Variants in RABGEF1 observed in about 807,000 individuals in gnomAD.
The protein encoded by RABGEF1 is RAB guanine nucleotide exchange factor 1.
Under a neutral mutation model 57.3 loss-of-function variants are expected in RABGEF1, and 26 were observed. The observed-to-expected ratio is 0.45, with a 90% confidence interval of 0.33 to 0.63. The LOEUF is 0.63. Ranked by LOEUF, RABGEF1 falls within the 20% of genes least tolerant of loss-of-function variation. The pLI is 0.02. For missense variants in RABGEF1, 464 were observed against 607.6 expected (o/e 0.76, Z 2.48); for synonymous variants, 185 against 210.7 (o/e 0.88, Z 1.06).
intron 3 of RABGEF1, among the ~76,000 whole-genome samples, chr7:66,779,523 T>A (rs1213073778): frequency 2.6e-5 from 4 of 151,076 alleles, no homozygotes; most frequent in Non-Finnish European, 4.4e-5. Context: ...GAAAAAAAAA[T>A]TAAAAAATTA....
chr7:66,810,891 A>G lies in RABGEF1; in HGVS notation c.*1607A>G, dbSNP rs1217548939. On this transcript the variant is annotated 3_prime_UTR_variant, in exon 9 of 9. Coordinates refer to ENST00000284957, the MANE Select transcript of RABGEF1 (RefSeq NM_014504.3). ...ATTCTTAAATTTACATATAAGATCT[A>G]TTAAGCTTGACACATCTGTGTCATC... The G allele has an allele frequency of 2.0e-5, 3 of 152,250 alleles. No homozygotes were observed. The highest frequency in any genetic ancestry group is 2.9e-5 in the Non-Finnish European group (2 of 68,050). The allele number at this position is 152,250 out of a possible 1,614,324, so 9.4% of individuals were successfully genotyped here.
chr7:66,802,433 T>C (rs1562882599), intron 7 of RABGEF1, among the ~76,000 whole-genome samples: 2 of 152,326 alleles, frequency 1.3e-5, no homozygotes, highest in Non-Finnish European at 1.5e-5. Context: ...ATGGAGCGTA[T>C]ACTTAGCTCT....
intron 1 of RABGEF1, among the ~76,000 whole-genome samples, chr7:66,742,793 G>A (rs1799293166): frequency 6.6e-6 from 1 of 152,098 alleles, no homozygotes; most frequent in Non-Finnish European, 1.5e-5. Context: ...ATTTTGTAAA[G>A]ATGTTGTCTT....
upstream of RABGEF1, among the ~76,000 whole-genome samples, chr7:66,739,029 C>T (rs1798404597): frequency 2.6e-5 from 4 of 152,100 alleles, no homozygotes; most frequent in South Asian, 8.3e-4. Context: ...CAGCTCACTG[C>T]AACCTCCGCT....
At chr7:66,762,601 GAAAAA>G (rs1017627412) in intron 1 of RABGEF1, among the ~76,000 whole-genome samples, 2 of 149,954 alleles carry the variant, frequency 1.3e-5, no homozygotes, top group African/African-American at 4.9e-5. Flanking sequence ...GAAAAGAAAA[GAAAAA>G]AAGAAAAAAA....
chr7:66,800,757 G>A (rs1010834209), intron 7 of RABGEF1, among the ~76,000 whole-genome samples: 7 of 152,160 alleles, frequency 4.6e-5, no homozygotes, highest in African/African-American at 1.4e-4. Flanking sequence ...TAGCCTTTAC[G>A]GCCTGTTGCT....
intron 1 of RABGEF1, among the ~76,000 whole-genome samples, chr7:66,695,801 A>G (rs1319685849): frequency 3.9e-5 from 6 of 152,044 alleles, no homozygotes; most frequent in African/African-American, 1.4e-4. Context: ...CCCTGTCTTT[A>G]CTAAAAATAC....
chr7:66,656,483 A>G, the RABGEF1 span, among the ~76,000 whole-genome samples: 1 of 152,286 alleles, frequency 6.6e-6, no homozygotes, highest in Non-Finnish European at 1.5e-5. Flanking sequence ...TCTGATGGTG[A>G]CAGAACCAGG....
chr7:66,797,229 A>G (rs13247070), intron 5 of RABGEF1, 145 bp from the exon 6 acceptor site: 9,115 of 751,760 alleles, frequency 0.012, 98 homozygotes, highest in Non-Finnish European at 0.016. Context: ...GCTCGAGCCC[A>G]GGAGGTGGAG....
intron 2 of RABGEF1, among the ~76,000 whole-genome samples, chr7:66,719,407 G>A (rs1444084203): frequency 6.6e-6 from 1 of 152,098 alleles, no homozygotes; most frequent in East Asian, 1.9e-4. Context: ...GTCTTGCTAT[G>A]TTGCCTAGGC....
chr7:66,771,562 T>G (rs948682204), intron 1 of RABGEF1, among the ~76,000 whole-genome samples: 1 of 152,326 alleles, frequency 6.6e-6, no homozygotes, highest in East Asian at 1.9e-4. Context: ...TCCCCTAAGT[T>G]TTTTTTCTAG....
intron 4 of RABGEF1, among the ~76,000 whole-genome samples, chr7:66,792,482 A>G (rs906911189): frequency 6.6e-6 from 1 of 152,172 alleles, no homozygotes; most frequent in African/African-American, 2.4e-5. Flanking sequence ...TTCCTATAGG[A>G]TAATGCAGAG....
intron 1 of RABGEF1, among the ~76,000 whole-genome samples, chr7:66,742,941 A>G (rs1799339497): frequency 1.3e-5 from 2 of 152,244 alleles, no homozygotes; most frequent in South Asian, 4.1e-4. Context: ...CAGGACAGAG[A>G]TGTAGGAGCT....
chr7:66,707,876 A>G (rs1289269786), intron 1 of RABGEF1, among the ~76,000 whole-genome samples: 2 of 152,046 alleles, frequency 1.3e-5, no homozygotes. Flanking sequence ...CTTTGTCTCT[A>G]GTAACATTTT....
intron 2 of RABGEF1, among the ~76,000 whole-genome samples, chr7:66,723,028 G>A (rs1158943508): frequency 6.6e-6 from 1 of 151,916 alleles, no homozygotes; most frequent in Non-Finnish European, 1.5e-5. Context: ...GCGTGCAATG[G>A]CGTGATCTTG....
rs1006397229 is a variant in RABGEF1, at chr7:66,806,134, A to C, written c.1077+738A>C. On this transcript the variant is annotated intron_variant, in intron 8 of 8. Coordinates refer to ENST00000284957, the MANE Select transcript of RABGEF1 (RefSeq NM_014504.3). ...GCTAATGAATTTGGAGACTTGGGGC[A>C]GCGTATGGACTTGGTTTTCTGTGTT... 2.6e-5 allele frequency among the ~76,000 whole-genome samples: 4 copies of C among 152,086 alleles called. No individual in the cohort carries two copies. The South Asian group carries it at 6.2e-4, about 24-fold the overall frequency.
chr7:66,717,197 G>A (rs965110942), intron 2 of RABGEF1, among the ~76,000 whole-genome samples: 3 of 151,978 alleles, frequency 2.0e-5, no homozygotes, highest in Admixed American at 6.6e-5. Flanking sequence ...TCTTTGTGTA[G>A]TGTTCTTTAG....
intron 1 of RABGEF1, among the ~76,000 whole-genome samples, chr7:66,754,532 C>G (rs945244919): frequency 2.6e-5 from 4 of 151,716 alleles, no homozygotes; most frequent in African/African-American, 9.7e-5. Context: ...TCACGTGAGC[C>G]CAGGAGTTGG....
chr7:66,714,065 G>A (rs752891142), intron 2 of RABGEF1, among the ~76,000 whole-genome samples: 2 of 152,152 alleles, frequency 1.3e-5, no homozygotes, highest in African/African-American at 2.4e-5. Context: ...TGATGTAAAG[G>A]TAATGTTGGC....
Sources: allele counts gnomAD v4.1 joint callset (sites outside exome capture counted in the v4.1 genomes callset), GRCh38; gene constraint gnomAD v4.1.1; transcripts MANE v1.5; gene names NCBI Gene and HGNC (gene_info 2026-07-23, HGNC 2026-07-21).